NEK1: variants seen among roughly 807,000 people sequenced by gnomAD.
The protein encoded by NEK1 is serine/threonine-protein kinase Nek1.
Under a neutral mutation model 182.1 loss-of-function variants are expected in NEK1, and 137 were observed. The observed-to-expected ratio is 0.75, with a 90% CI of 0.65 to 0.87. The LOEUF (loss-of-function observed/expected upper bound fraction) is 0.87, where lower values mean the gene tolerates loss of function less well. Ranked by LOEUF, NEK1 falls within the 40% of genes least tolerant of loss-of-function variation. The pLI, the probability that NEK1 is intolerant of heterozygous loss-of-function variation, is 0.00. For missense variants in NEK1, 1,391 were observed against 1,494.4 expected (o/e 0.93, Z 1.14); for synonymous variants, 513 against 492.2 (o/e 1.04, Z -0.56).
chr4:169,502,883 C>T (rs1752634666), intron 23 of NEK1, among the ~76,000 whole-genome samples: 3 of 152,020 alleles, frequency 2.0e-5, no homozygotes, highest in Admixed American at 2.0e-4. Flanking sequence ...CCAGCCAGAG[C>T]AATCAGGCTA....
chr4:169,538,100 C>T (rs1758800381), intron 18 of NEK1, among the ~76,000 whole-genome samples, 189 bp from the exon 19 acceptor site: 1 of 151,886 alleles, frequency 6.6e-6, no homozygotes, highest in Admixed American at 6.6e-5. Context: ...TTATTATTTT[C>T]AATACAAGTA....
In NEK1 at chr4:169,452,671, A is replaced by C. The variant is rs569555749; in HGVS notation, c.2587+10572T>G. 6.4e-4 allele frequency among the ~76,000 whole-genome samples: 98 copies of C among 152,188 alleles called. 1 individual carries two copies. Among genetic ancestry groups the C allele is most frequent in the Non-Finnish European group, 1.3e-3 (88 of 68,034 alleles). Reference sequence around the variant, plus strand: ...TATTGACAGAACATATCTCAAAATAATAAGAACTATTTATGACAAACCCAC... The same window carrying C: ...TATTGACAGAACATATCTCAAAATACTAAGAACTATTTATGACAAACCCAC... On this transcript the variant is annotated intron_variant, in intron 27 of 35. Transcript: ENST00000507142.
intron 23 of NEK1, among the ~76,000 whole-genome samples, chr4:169,491,517 G>GT (rs1204832168): frequency 1.2e-4 from 18 of 152,094 alleles, no homozygotes. Flanking sequence ...TAGAAAAGCT[G>GT]TTTTTCAGAA....
chr4:169,422,165 G>A (rs775930730), intron 31 of NEK1, among the ~76,000 whole-genome samples: 1 of 152,196 alleles, frequency 6.6e-6, no homozygotes, highest in African/African-American at 2.4e-5. Flanking sequence ...TATCTGAACA[G>A]AGCCGCTTCA....
intron 16 of NEK1, among the ~76,000 whole-genome samples, chr4:169,559,289 TG>T (rs1232412197): frequency 3.9e-5 from 6 of 152,196 alleles, no homozygotes; most frequent in Non-Finnish European, 7.4e-5. Flanking sequence ...GCTTGAGATC[TG>T]AAGGAGTACA....
At chr4:169,438,055 T>G in intron 28 of NEK1, 28 bp downstream of exon 28, 1 of 1,549,606 alleles carries the variant, frequency 6.5e-7, no homozygotes, top group South Asian at 1.2e-5. Flanking sequence ...AAATCAAATA[T>G]AGCTCATTTT....
intron 16 of NEK1, among the ~76,000 whole-genome samples, chr4:169,559,705 T>C (rs920526617): frequency 1.3e-5 from 2 of 152,184 alleles, no homozygotes; most frequent in Non-Finnish European, 2.9e-5. Flanking sequence ...GTGAAACTTA[T>C]AGTTTGAAGA....
chr4:169,599,578 T>C (rs572131489), intron 4 of NEK1, among the ~76,000 whole-genome samples: 3 of 152,218 alleles, frequency 2.0e-5, no homozygotes, highest in Non-Finnish European at 4.4e-5. Context: ...ATGGGTTATC[T>C]TAGTTTTCTG....
chr4:169,461,858 T>C (rs1188542761), intron 27 of NEK1, among the ~76,000 whole-genome samples: 1 of 152,170 alleles, frequency 6.6e-6, no homozygotes, highest in African/African-American at 2.4e-5. Context: ...TTTTTTCCTT[T>C]ATAGCTTACC....
intron 12 of NEK1, among the ~76,000 whole-genome samples, chr4:169,565,370 A>G (rs2149966768): frequency 6.6e-6 from 1 of 152,266 alleles, no homozygotes; most frequent in East Asian, 1.9e-4. Flanking sequence ...TGCCCACTAC[A>G]ATGTTTTTGC....
At chr4:169,529,357 C>A (rs940055590) in intron 19 of NEK1, among the ~76,000 whole-genome samples, 1 of 151,970 alleles carries the variant, frequency 6.6e-6, no homozygotes, top group Non-Finnish European at 1.5e-5. Flanking sequence ...GTACTTAATG[C>A]CACTGAACTG....
At chr4:169,412,322 C>A (rs1733815925) in intron 31 of NEK1, among the ~76,000 whole-genome samples, 1 of 152,168 alleles carries the variant, frequency 6.6e-6, no homozygotes. Context: ...GTATCACTGG[C>A]TTTAAACTGC....
chr4:169,593,369 T>C (rs1269781413), intron 5 of NEK1, among the ~76,000 whole-genome samples: 3 of 152,168 alleles, frequency 2.0e-5, no homozygotes, highest in Non-Finnish European at 4.4e-5. Flanking sequence ...ATTTGGTTCA[T>C]GGGCCATTGT....
At chr4:169,417,903 G>A (rs928979814) in intron 31 of NEK1, among the ~76,000 whole-genome samples, 1 of 152,164 alleles carries the variant, frequency 6.6e-6, no homozygotes, top group African/African-American at 2.4e-5. Flanking sequence ...AGACTGATGA[G>A]ACAAAGATCA....
intron 5 of NEK1, among the ~76,000 whole-genome samples, chr4:169,592,360 C>A (rs542661702): frequency 1.3e-5 from 2 of 152,212 alleles, no homozygotes; most frequent in East Asian, 3.9e-4. Context: ...ATTGTATGAT[C>A]CCTATACTAG....
chr4:169,494,717 C>G (rs568772484), intron 23 of NEK1, among the ~76,000 whole-genome samples: 66 of 152,200 alleles, frequency 4.3e-4, no homozygotes, highest in African/African-American at 1.3e-3. Context: ...CCCACCAACA[C>G]TGTAAAAGTG....
chr4:169,541,452 G>A (rs965127999), intron 18 of NEK1, among the ~76,000 whole-genome samples: 2 of 152,086 alleles, frequency 1.3e-5, no homozygotes, highest in Non-Finnish European at 2.9e-5. Context: ...AGGTAGACTG[G>A]TCAGAGTTAC....
chr4:169,496,342 T>C (rs1751279271), intron 23 of NEK1, among the ~76,000 whole-genome samples: 1 of 151,690 alleles, frequency 6.6e-6, no homozygotes, highest in Non-Finnish European at 1.5e-5. Flanking sequence ...AATCATGTCA[T>C]CTGCAAACAG....
chr4:169,497,564 G>T (rs1458903572), intron 23 of NEK1, among the ~76,000 whole-genome samples: 6 of 152,032 alleles, frequency 3.9e-5, no homozygotes, highest in Non-Finnish European at 8.8e-5. Flanking sequence ...TTCCTTCTAC[G>T]CACTGCTTTG....
Sources: allele counts gnomAD v4.1 joint callset (sites outside exome capture counted in the v4.1 genomes callset), GRCh38; gene constraint gnomAD v4.1.1; transcripts MANE v1.5; gene names NCBI Gene and HGNC (gene_info 2026-07-23, HGNC 2026-07-21).